Variants in SYT1 observed in about 807,000 individuals in gnomAD.
The protein encoded by SYT1 is synaptotagmin 1.
SYT1 carries 8 observed loss-of-function variants against 44.8 expected under a neutral mutation model. The observed-to-expected ratio is 0.18, with a 90% confidence interval of 0.10 to 0.32. The LOEUF is 0.32. SYT1 is among the 10% of genes least tolerant of loss of function. The pLI, the probability that SYT1 is intolerant of heterozygous loss-of-function variation, is 1.00. For synonymous variants in SYT1, 154 were observed against 188.8 expected, an observed-to-expected ratio of 0.82 and a Z score of 1.51; for missense variants, 286 against 509.3, an observed-to-expected ratio of 0.56 and a Z score of 4.22.
chr12:79,153,247 A>G (rs1487736809), intron 3 of SYT1, among the ~76,000 whole-genome samples: 13 of 152,162 alleles, frequency 8.5e-5, no homozygotes, highest in Admixed American at 8.5e-4. Flanking sequence ...CCTTAAATTT[A>G]ATAGTACTTA....
At chr12:78,926,311 T>C (rs1321171024) in intron 1 of SYT1, among the ~76,000 whole-genome samples, 1 of 152,118 alleles carries the variant, frequency 6.6e-6, no homozygotes, top group African/African-American at 2.4e-5. Flanking sequence ...ATTCTGGAAA[T>C]GTCTGACATT....
intron 3 of SYT1, among the ~76,000 whole-genome samples, chr12:79,196,466 G>A (rs939171141): frequency 2.4e-4 from 37 of 151,974 alleles, no homozygotes; most frequent in African/African-American, 5.3e-4. Context: ...GCACCCGGCT[G>A]TACATTTCTA....
intron 3 of SYT1, among the ~76,000 whole-genome samples, chr12:79,161,059 C>A (rs1870917996): frequency 6.6e-6 from 1 of 151,946 alleles, no homozygotes; most frequent in Admixed American, 6.6e-5. Flanking sequence ...ATAGCAAAAA[C>A]CCATATCTAT....
At chr12:78,946,230 C>T (rs1221645802) in intron 1 of SYT1, among the ~76,000 whole-genome samples, 1 of 152,228 alleles carries the variant, frequency 6.6e-6, no homozygotes, top group Non-Finnish European at 1.5e-5. Flanking sequence ...CAGGTTTATT[C>T]AGGCCTCAAG....
intron 9 of SYT1, among the ~76,000 whole-genome samples, chr12:79,443,555 C>T (rs1426737952): frequency 6.6e-6 from 1 of 152,206 alleles, no homozygotes; most frequent in Non-Finnish European, 1.5e-5. Context: ...GTGCCTGTCA[C>T]ATCATAGATA....
chr12:78,981,437 A>T (rs868021604), intron 2 of SYT1, among the ~76,000 whole-genome samples: 4 of 152,206 alleles, frequency 2.6e-5, no homozygotes, highest in African/African-American at 9.6e-5. Context: ...TAATTCTTTT[A>T]AAATGAATAG....
chr12:78,938,172 T>G (rs1479888735), intron 1 of SYT1, among the ~76,000 whole-genome samples: 1 of 152,178 alleles, frequency 6.6e-6, no homozygotes, highest in Non-Finnish European at 1.5e-5. Context: ...TCAGGGTCCC[T>G]CCTCTCCCTT....
chr12:79,064,436 T>C (rs146798491), intron 3 of SYT1, among the ~76,000 whole-genome samples: 1 of 152,306 alleles, frequency 6.6e-6, no homozygotes, highest in East Asian at 1.9e-4. Context: ...GATAGTTTTG[T>C]AGAAGACTAG....
At chr12:79,236,947 A>G (rs1221794633) in intron 4 of SYT1, among the ~76,000 whole-genome samples, 1 of 152,232 alleles carries the variant, frequency 6.6e-6, no homozygotes, top group Admixed American at 6.5e-5. Flanking sequence ...GTTAAAGATG[A>G]GCCAGGAACC....
chr12:79,241,252 G>A (rs1364382004), intron 4 of SYT1, among the ~76,000 whole-genome samples: 1 of 133,686 alleles, frequency 7.5e-6, no homozygotes, highest in East Asian at 2.0e-4. Context: ...GGAATGATTT[G>A]CACTGGCAAC....
chr12:79,210,993 G>T, intron 3 of SYT1, among the ~76,000 whole-genome samples: 1 of 149,320 alleles, frequency 6.7e-6, no homozygotes. Flanking sequence ...GCAAGATCCA[G>T]TTTTCTCCAG....
At chr12:79,112,193 G>T (rs1404482225) in intron 3 of SYT1, among the ~76,000 whole-genome samples, 1 of 151,988 alleles carries the variant, frequency 6.6e-6, no homozygotes, top group Non-Finnish European at 1.5e-5. Flanking sequence ...GGACTCAAAA[G>T]AAAGAGATAC....
At chr12:79,319,654 A>G (rs10746114) in intron 8 of SYT1, among the ~76,000 whole-genome samples, 49,413 of 152,062 alleles carry the variant, frequency 0.32, 8,320 homozygotes, top group East Asian at 0.58. Flanking sequence ...TGCAACAGCC[A>G]GCATCCATTC....
At chr12:78,999,084 T>C (rs1870560176) in intron 2 of SYT1, among the ~76,000 whole-genome samples, 1 of 152,178 alleles carries the variant, frequency 6.6e-6, no homozygotes, top group African/African-American at 2.4e-5. Flanking sequence ...TTTAGTGCTC[T>C]GCCCTATCAA....
intron 2 of SYT1, among the ~76,000 whole-genome samples, chr12:78,978,647 A>T (rs2137427511): frequency 6.6e-6 from 1 of 152,342 alleles, no homozygotes; most frequent in South Asian, 2.1e-4. Context: ...AATTCTATGA[A>T]GTAAACGTGA....
At chr12:79,180,777 C>T (rs1872488270) in intron 3 of SYT1, among the ~76,000 whole-genome samples, 1 of 152,002 alleles carries the variant, frequency 6.6e-6, no homozygotes, top group Admixed American at 6.6e-5. Flanking sequence ...GATCCAATCA[C>T]CTCCCAGCAG....
Position 79,450,230 on chromosome 12 carries a change from A to ATTACT in SYT1, c.*1109_*1113dup, listed in dbSNP as rs1555226555. ...CAACAATCTGTGCTTATTACACAAA[A>ATTACT]TTACTTTGTGGTAAACAGACAGTAT... On this transcript the variant is annotated 3_prime_UTR_variant, in exon 11 of 11. Transcript: ENST00000261205. 6.6e-6 allele frequency: 1 copy of ATTACT among 152,636 alleles called. No homozygotes were observed. Among genetic ancestry groups the ATTACT allele is most frequent in the Non-Finnish European group, 1.5e-5 (1 of 68,028 alleles). 9.5% of individuals were successfully genotyped at this position (152,636 alleles called of 1,614,324 possible).
At chr12:79,151,747 A>C (rs1870286196) in intron 3 of SYT1, among the ~76,000 whole-genome samples, 1 of 152,126 alleles carries the variant, frequency 6.6e-6, no homozygotes, top group Admixed American at 6.5e-5. Flanking sequence ...GTAAAAACAA[A>C]CCTCAGAGCA....
intron 2 of SYT1, among the ~76,000 whole-genome samples, chr12:79,024,419 A>T (rs1799168001): frequency 6.6e-6 from 1 of 151,794 alleles, no homozygotes; most frequent in African/African-American, 2.4e-5. Flanking sequence ...TCTTATCCAA[A>T]TCCAGAATTT....
Sources: gnomAD v4.1 joint callset for allele counts (sites outside exome capture counted in the v4.1 genomes callset) on GRCh38, gnomAD v4.1.1 for gene constraint, MANE v1.5 for transcripts, NCBI Gene and HGNC (gene_info 2026-07-23, HGNC 2026-07-21) for gene names.